DAPK2: variants seen among roughly 807,000 people sequenced by gnomAD.
The protein encoded by DAPK2 is death associated protein kinase 2.
A neutral mutation model predicts 44.1 loss-of-function variants in DAPK2; 35 were observed. The observed-to-expected ratio is 0.79, with a 90% confidence interval of 0.61 to 1.05. DAPK2 has a LOEUF of 1.05. Ranked by LOEUF, DAPK2 falls within the 50% of genes least tolerant of loss-of-function variation. The pLI is 0.00. For synonymous variants in DAPK2, 174 were observed against 182.6 expected (o/e 0.95, Z 0.38); for missense variants, 453 against 483.2 (o/e 0.94, Z 0.59).
At chr15:63,971,352 G>T (rs1595826654) in intron 3 of DAPK2, 71 bp downstream of exon 4, 1 of 1,574,714 alleles carries the variant, frequency 6.4e-7, no homozygotes, top group East Asian at 2.2e-5. Context: ...GCCCATCCTG[G>T]GAAAGACACC....
chr15:63,911,938 C>T, exon 10 of DAPK2: 1 of 1,613,982 alleles, frequency 6.2e-7, no homozygotes, highest in Non-Finnish European at 8.5e-7. Flanking sequence ...GGTGCACCTT[C>T]TTCATCAGCG....
At chr15:63,932,346 T>C (rs1449395596) in intron 4 of DAPK2, among the ~76,000 whole-genome samples, 2 of 144,824 alleles carry the variant, frequency 1.4e-5, no homozygotes, top group Non-Finnish European at 3.0e-5. Flanking sequence ...ATGCCTGTAA[T>C]CCCAGCTACT....
intron 3 of DAPK2, among the ~76,000 whole-genome samples, chr15:63,945,443 G>A (rs561772694): frequency 1.3e-4 from 20 of 152,276 alleles, no homozygotes; most frequent in African/African-American, 4.6e-4. Flanking sequence ...GCCAGGCCCC[G>A]CACCACCACT....
At chr15:63,934,476 T>G (rs1047026667) in intron 4 of DAPK2, among the ~76,000 whole-genome samples, 13 of 151,890 alleles carry the variant, frequency 8.6e-5, no homozygotes, top group African/African-American at 3.1e-4. Context: ...AGGCTGGTCT[T>G]GAACTCCTGA....
intron 1 of DAPK2, among the ~76,000 whole-genome samples, chr15:64,014,560 A>AG (rs962743077): frequency 8.5e-5 from 13 of 152,242 alleles, no homozygotes; most frequent in African/African-American, 3.1e-4. Context: ...ATGGTACTGC[A>AG]GGGGGGCTTA....
chr15:63,990,860 C>T lies in DAPK2; in HGVS notation c.93-7106G>A, dbSNP rs1463522915. Among the ~76,000 whole-genome samples, 1 of 152,184 alleles carries T rather than the reference C, an allele frequency of 6.6e-6. No homozygotes were observed. The highest frequency in any genetic ancestry group is 1.5e-5 in the Non-Finnish European group (1 of 68,028). On this transcript the variant is annotated intron_variant, in intron 1 of 10. Coordinates refer to ENST00000261891, the Ensembl canonical transcript of DAPK2. The surrounding 1 kb of genome is among the most constrained non-coding windows in gnomAD (Gnocchi z 4.3). ...GCTCAAAGCTGTAGTCCACAAGAAC[C>T]AGGTCAGCCTGATCCCGGAGGACCC...
chr15:63,958,199 G>A (rs1007894805), intron 3 of DAPK2, among the ~76,000 whole-genome samples: 1 of 151,936 alleles, frequency 6.6e-6, no homozygotes, highest in Admixed American at 6.6e-5. Flanking sequence ...TTTTGATGGA[G>A]TTGTTTTTTT....
chr15:64,036,324 TATATATATATATAC>T (rs1567290135), intron 1 of DAPK2, among the ~76,000 whole-genome samples: 3 of 116,020 alleles, frequency 2.6e-5, no homozygotes, highest in Non-Finnish European at 5.3e-5. Context: ...TATATGTATA[TATATATATATATAC>T]ATATATATAT....
chr15:63,934,249 G>GTTTTTTTTTT (rs772176640), intron 4 of DAPK2, among the ~76,000 whole-genome samples: 2 of 63,286 alleles, frequency 3.2e-5, no homozygotes, highest in Non-Finnish European at 6.0e-5. Flanking sequence ...TTTTATCCTA[G>GTTTTTTTTTT]TTTTTTTTTT....
intron 3 of DAPK2, among the ~76,000 whole-genome samples, chr15:63,954,165 C>T (rs1475143184): frequency 6.6e-6 from 1 of 152,046 alleles, no homozygotes; most frequent in Non-Finnish European, 1.5e-5. Context: ...TTGATGTGAT[C>T]CCATTTGTCT....
intron 1 of DAPK2, among the ~76,000 whole-genome samples, chr15:64,010,000 G>T (rs1337038751): frequency 1.1e-4 from 17 of 152,118 alleles, no homozygotes. Flanking sequence ...TTTGTCAAAG[G>T]GCCTTAGAAT....
At chr15:64,018,583 G>T (rs332285) in intron 1 of DAPK2, among the ~76,000 whole-genome samples, 1 of 152,114 alleles carries the variant, frequency 6.6e-6, no homozygotes, top group Non-Finnish European at 1.5e-5. Flanking sequence ...CACCTGTCCC[G>T]TGGTTCTCTG....
chr15:64,007,111 A>C (rs544410433), intron 1 of DAPK2, among the ~76,000 whole-genome samples: 1 of 151,418 alleles, frequency 6.6e-6, no homozygotes, highest in East Asian at 2.0e-4. Flanking sequence ...ATGTGTGCCA[A>C]CCTCTCCTAG....
chr15:63,999,969 G>T (rs757519482), intron 1 of DAPK2, among the ~76,000 whole-genome samples: 1 of 151,932 alleles, frequency 6.6e-6, no homozygotes, highest in East Asian at 1.9e-4. Flanking sequence ...GTTTCGCCAT[G>T]TTGCCCAGGC....
intron 1 of DAPK2, among the ~76,000 whole-genome samples, chr15:64,027,055 A>AGC: frequency 6.6e-6 from 1 of 152,120 alleles, no homozygotes; most frequent in African/African-American, 2.4e-5. Context: ...ACCAGCCTGG[A>AGC]CAACATGACA....
intron 3 of DAPK2, among the ~76,000 whole-genome samples, chr15:63,947,070 CT>C (rs35616206): frequency 0.93 from 140,728 of 151,922 alleles, 65,456 homozygotes; most frequent in East Asian, 1. Flanking sequence ...TCCCCACCTC[CT>C]ACTCCCTGCC....
At chr15:63,991,594 C>A (rs9972469) in intron 1 of DAPK2, among the ~76,000 whole-genome samples, 56,630 of 151,704 alleles carry the variant, frequency 0.37, 11,279 homozygotes, top group Non-Finnish European at 0.45. Context: ...AGCCCACCCA[C>A]TGACCGCCCC....
chr15:63,969,197 T>C (rs771086092), intron 3 of DAPK2, among the ~76,000 whole-genome samples: 10 of 151,010 alleles, frequency 6.6e-5, no homozygotes, highest in East Asian at 2.0e-4. Flanking sequence ...AGTGGGCAGA[T>C]TGCTTGAGCC....
At chr15:64,024,121 T>C (rs765992506) in intron 1 of DAPK2, among the ~76,000 whole-genome samples, 1 of 152,202 alleles carries the variant, frequency 6.6e-6, no homozygotes, top group Non-Finnish European at 1.5e-5. Flanking sequence ...GCAGAGGTTT[T>C]GTTACCCAAC....
Sources: gnomAD v4.1 joint callset for allele counts (sites outside exome capture counted in the v4.1 genomes callset) on GRCh38, gnomAD v4.1.1 for gene constraint, Gnocchi (gnomAD v3.1) non-coding constraint, MANE v1.5 for transcripts, NCBI Gene and HGNC (gene_info 2026-07-23, HGNC 2026-07-21) for gene names.